MAP4K5: variants seen among roughly 807,000 people sequenced by gnomAD.
MAP4K5 encodes the protein mitogen-activated protein kinase kinase kinase kinase 5, also known as MAPK/ERK kinase kinase kinase 5.
In MAP4K5, 82 loss-of-function variants were observed where a neutral mutation model predicts 135.6. The ratio of observed to expected loss-of-function variants is 0.60; its 90% confidence interval spans 0.51 to 0.73. The LOEUF is 0.73. Among genes scored for constraint, MAP4K5 ranks in the 30% least tolerant of loss-of-function variants. MAP4K5 has a pLI of 0.00. For missense variants in MAP4K5, 907 were observed against 1,010.9 expected (o/e 0.90, Z 1.39); for synonymous variants, 347 against 335.0 (o/e 1.04, Z -0.39).
upstream of MAP4K5, among the ~76,000 whole-genome samples, chr14:50,536,709 G>T (rs1448658617): frequency 6.6e-6 from 1 of 152,212 alleles, no homozygotes; most frequent in Non-Finnish European, 1.5e-5. Flanking sequence ...CTGGAGCAAA[G>T]GTGACTTTTG....
chr14:50,476,291 G>T lies in MAP4K5; in HGVS notation c.394C>A (p.His132Asn). 2 of 1,445,456 alleles carry T rather than the reference G, an allele frequency of 1.4e-6. No individual in the cohort carries two copies. Among genetic ancestry groups the T allele is most frequent in the South Asian group, 1.5e-5 (1 of 67,046 alleles). The allele number at this position is 1,445,456 out of a possible 1,614,324, so 89.5% of individuals were successfully genotyped here. A position where few individuals can be genotyped will look rare whatever the true frequency, so the allele number is the denominator to read the frequency against. Reference protein sequence around the residue: ...RETLQGLAYLHTKGKMHRDIK... With the variant: ...RETLQGLAYLNTKGKMHRDIK... ...TCTCTATGCATTTTGCCTTTAGTAT[G>T]CAAATAGGCAAGACCCTAAAAGTTT... The change falls in exon 7 of 33, where the codon CAT becomes AAT. Residue 132 changes from histidine to asparagine, a missense_variant. Coordinates refer to ENST00000682126, the MANE Select transcript of MAP4K5 (RefSeq NM_006575.6).
chr14:50,479,875 C>T (rs1271756746), intron 6 of MAP4K5, among the ~76,000 whole-genome samples: 1 of 152,170 alleles, frequency 6.6e-6, no homozygotes, highest in Non-Finnish European at 1.5e-5. Flanking sequence ...TCTCCCTGTA[C>T]TGTGGCCTGA....
chr14:50,556,494 A>G (rs1381148416), intron 1 of MAP4K5, among the ~76,000 whole-genome samples: 1 of 152,188 alleles, frequency 6.6e-6, no homozygotes, highest in East Asian at 1.9e-4. Flanking sequence ...CTGGGATTAC[A>G]GGCGTGAGCC....
intron 21 of MAP4K5, among the ~76,000 whole-genome samples, chr14:50,441,743 T>TACACACAC (rs57651486): frequency 1.2e-4 from 17 of 141,634 alleles, no homozygotes; most frequent in Admixed American, 6.5e-4. Flanking sequence ...AATTATTTTA[T>TACACACAC]ACACACACAC....
intron 3 of MAP4K5, among the ~76,000 whole-genome samples, chr14:50,487,832 A>G (rs115470355): frequency 3.0e-4 from 45 of 152,212 alleles, no homozygotes; most frequent in African/African-American, 1.0e-3. Flanking sequence ...TTCTTCTTTT[A>G]TATCACTCCT....
At position 50,442,761 on chromosome 14, in the gene MAP4K5, G is replaced by A; in HGVS notation, c.1535C>T (p.Ala512Val). Residue 512 changes from alanine to valine, a missense_variant, in exon 21 of 33, where the codon GCA becomes GTA. Around this residue, in one of 3 missense-constraint regions of MAP4K5, gnomAD observed 690 missense variants for 777.4 expected, o/e 0.89. Transcript: ENST00000682126. The stretch of plus-strand genomic sequence containing the variant: ...TGTATCAGGATGTATCCAGGATGTT[G>A]CACAATTAATTTTCAAAGGACAGCC... ...FDGCPLKINC[A>V]TSWIHPDTKD... 6.3e-7 allele frequency: 1 copy of A among 1,597,620 alleles called. No individual in the cohort carries two copies. Among genetic ancestry groups the A allele is most frequent in the Admixed American group, 1.7e-5 (1 of 58,086 alleles).
At chr14:50,449,618 C>G (rs2036436497) in intron 14 of MAP4K5, 1 of 152,062 alleles carries the variant, frequency 6.6e-6, no homozygotes, top group Non-Finnish European at 1.5e-5. Context: ...AAAAAGCAAA[C>G]ACAAAGTACT....
intron 1 of MAP4K5, among the ~76,000 whole-genome samples, chr14:50,552,334 G>C (rs114033559): frequency 2.0e-5 from 3 of 152,122 alleles, no homozygotes; most frequent in African/African-American, 4.8e-5. Flanking sequence ...TTCTCTACAA[G>C]GAAAATTACA....
At chr14:50,466,005 C>T (rs141581995) in intron 11 of MAP4K5, among the ~76,000 whole-genome samples, 64 of 152,120 alleles carry the variant, frequency 4.2e-4, no homozygotes, top group African/African-American at 1.5e-3. Flanking sequence ...ACCCAGGAGG[C>T]GGAGGATGCA....
At chr14:50,451,692 T>C (rs926610887) in intron 14 of MAP4K5, among the ~76,000 whole-genome samples, 2 of 152,080 alleles carry the variant, frequency 1.3e-5, no homozygotes, top group African/African-American at 2.4e-5. Context: ...AGTTATTCTG[T>C]CAATATAGGC....
intron 3 of MAP4K5, among the ~76,000 whole-genome samples, chr14:50,502,282 G>C (rs1457229200): frequency 6.6e-6 from 1 of 152,150 alleles, no homozygotes; most frequent in South Asian, 2.1e-4. Flanking sequence ...TGAAAGTCTG[G>C]GCCAAAATAA....
intron 2 of MAP4K5, among the ~76,000 whole-genome samples, chr14:50,526,930 C>G (rs1417120840): frequency 6.6e-6 from 1 of 152,028 alleles, no homozygotes; most frequent in African/African-American, 2.4e-5. Context: ...ACAAAGACTT[C>G]TACGCAAATT....
In MAP4K5 at chr14:50,496,815, AAAAAATAAAAAT is replaced by A. The variant is rs529474394; in HGVS notation, c.166+7973_166+7984del. ...GGTGTGAACCACCGCTCCCAGACCAAAAAAATAAAAATAAAAATAAAAATAAAAATAAAAACT... is the reference window on the plus strand; with the variant it reads ...GGTGTGAACCACCGCTCCCAGACCAAAAAAATAAAAATAAAAATAAAAACT... On this transcript the variant is annotated intron_variant, in intron 3 of 32. Coordinates refer to ENST00000682126, the MANE Select transcript of MAP4K5 (RefSeq NM_006575.6). Among the ~76,000 whole-genome samples the A allele has an allele frequency of 2.6e-3, 394 of 151,712 alleles. 1 individual carries two copies. Among genetic ancestry groups the A allele is most frequent in the African/African-American group, 8.4e-3 (348 of 41,244 alleles).
chr14:50,535,883 T>C (rs1170558281), upstream of MAP4K5, among the ~76,000 whole-genome samples: 1 of 152,174 alleles, frequency 6.6e-6, no homozygotes, highest in Non-Finnish European at 1.5e-5. Flanking sequence ...AGGTAATGAA[T>C]CATGAGGGCA....
At chr14:50,526,405 T>C (rs2038266117) in intron 2 of MAP4K5, among the ~76,000 whole-genome samples, 1 of 152,196 alleles carries the variant, frequency 6.6e-6, no homozygotes, top group Non-Finnish European at 1.5e-5. Context: ...GTTCAACCAA[T>C]TCTCTTGCCT....
At chr14:50,500,841 T>G (rs2037691376) in intron 3 of MAP4K5, among the ~76,000 whole-genome samples, 1 of 152,160 alleles carries the variant, frequency 6.6e-6, no homozygotes. Context: ...CATTTGTGGA[T>G]GGGTTAACTG....
At chr14:50,470,936 T>C (rs1400241839) in intron 9 of MAP4K5, among the ~76,000 whole-genome samples, 1 of 152,194 alleles carries the variant, frequency 6.6e-6, no homozygotes, top group African/African-American at 2.4e-5. Flanking sequence ...AAGATAAATA[T>C]TGCTTAAAGT....
intron 13 of MAP4K5, among the ~76,000 whole-genome samples, chr14:50,461,901 G>C (rs953929330): frequency 1.3e-5 from 2 of 150,406 alleles, no homozygotes; most frequent in Non-Finnish European, 3.0e-5. Flanking sequence ...CCTGGCGACA[G>C]AGCGAGACTC....
intron 2 of MAP4K5, among the ~76,000 whole-genome samples, chr14:50,528,832 A>T (rs1395171079): frequency 1.3e-5 from 2 of 152,192 alleles, no homozygotes; most frequent in African/African-American, 4.8e-5. Flanking sequence ...AAAACGTCCT[A>T]GGATGTTCAG....
Sources: allele counts gnomAD v4.1 joint callset (sites outside exome capture counted in the v4.1 genomes callset), GRCh38; gene constraint gnomAD v4.1.1; regional missense constraint gnomAD v4.1.1; transcripts MANE v1.5; gene names NCBI Gene and HGNC (gene_info 2026-07-23, HGNC 2026-07-21).